The following ATP10B variants were observed in gnomAD, a reference collection of about 807,000 sequenced individuals.
The protein encoded by ATP10B is ATPase phospholipid transporting 10B (putative).
ATP10B carries 122 observed loss-of-function variants against 141.2 expected under a neutral mutation model. The ratio of observed to expected loss-of-function variants is 0.86; its 90% CI spans 0.75 to 1.00. The LOEUF is 1.00. ATP10B is among the 50% of genes least tolerant of loss of function. ATP10B has a pLI of 0.00. For missense variants in ATP10B, 1,876 were observed against 1,825.3 expected, an observed-to-expected ratio of 1.03 and a Z score of -0.51; for synonymous variants, 685 against 692.0, an observed-to-expected ratio of 0.99 and a Z score of 0.16.
intron 1 of ATP10B, among the ~76,000 whole-genome samples, chr5:160,849,266 T>C (rs1753645790): frequency 6.6e-6 from 1 of 152,212 alleles, no homozygotes; most frequent in Admixed American, 6.6e-5. Flanking sequence ...TGTATTCTTG[T>C]GTTCCTGTGT....
At chr5:160,893,613 G>A in the ATP10B span, among the ~76,000 whole-genome samples, 14,908 of 152,242 alleles carry the variant, frequency 0.098, 836 homozygotes, top group Non-Finnish European at 0.12. Flanking sequence ...AGCTGCAGGT[G>A]CAGCTTCAGA....
the ATP10B span, among the ~76,000 whole-genome samples, chr5:160,924,863 A>G: frequency 5.9e-5 from 9 of 152,260 alleles, no homozygotes; most frequent in Admixed American, 5.9e-4. Flanking sequence ...CTTGGGGAAC[A>G]GTAGCTCCAC....
intron 16 of ATP10B, 53 bp from the exon 17 acceptor site, chr5:160,616,017 T>C (rs112351532): frequency 1.3e-6 from 2 of 1,566,870 alleles, no homozygotes; most frequent in Non-Finnish European, 1.7e-6. Context: ...AACAAGATAA[T>C]TTCCTCTCTC....
intron 3 of ATP10B, among the ~76,000 whole-genome samples, chr5:160,703,848 A>C (rs1341684030): frequency 6.6e-6 from 1 of 152,220 alleles, no homozygotes; most frequent in Non-Finnish European, 1.5e-5. Flanking sequence ...ATAAGACTTG[A>C]AAGTTGAGAT....
At chr5:160,927,011 TCAAAA>T in the ATP10B span, among the ~76,000 whole-genome samples, 2 of 152,222 alleles carry the variant, frequency 1.3e-5, no homozygotes, top group African/African-American at 4.8e-5. Flanking sequence ...CCTGTGCATC[TCAAAA>T]CAACCTCACA....
chr5:160,802,372 A>G (rs537814288), intron 1 of ATP10B, among the ~76,000 whole-genome samples: 1 of 152,316 alleles, frequency 6.6e-6, no homozygotes, highest in Non-Finnish European at 1.5e-5. Flanking sequence ...TTTCAAGCCA[A>G]CCTATATCAG....
chr5:160,814,094 A>G (rs533624574), intron 1 of ATP10B, among the ~76,000 whole-genome samples: 2 of 152,342 alleles, frequency 1.3e-5, no homozygotes, highest in Admixed American at 1.3e-4. Flanking sequence ...CTTCGAAGGA[A>G]CGCAGCTCTT....
At chr5:160,666,400 T>C (rs1762319254) in intron 7 of ATP10B, among the ~76,000 whole-genome samples, 2 of 152,206 alleles carry the variant, frequency 1.3e-5, no homozygotes, top group South Asian at 4.1e-4. Flanking sequence ...AATCCCTTAG[T>C]GGTAGCCCAC....
chr5:160,636,408 C>A (rs1759374967), intron 10 of ATP10B, 99 bp from the exon 11 acceptor site: 3 of 1,275,798 alleles, frequency 2.4e-6, no homozygotes, highest in South Asian at 1.5e-5. Flanking sequence ...AATGGGTGTG[C>A]TTTGGAGGAC....
intron 12 of ATP10B, 126 bp downstream of exon 12, chr5:160,634,228 G>T (rs766851067): frequency 7.5e-7 from 1 of 1,338,822 alleles, no homozygotes; most frequent in Non-Finnish European, 1.1e-6. Context: ...GATACAGGAA[G>T]CAACTTGTGG....
chr5:160,847,265 A>G (rs953104943), intron 1 of ATP10B, among the ~76,000 whole-genome samples: 6 of 152,190 alleles, frequency 3.9e-5, no homozygotes, highest in African/African-American at 7.2e-5. Context: ...CTGGGATTCT[A>G]TAATAGTCAG....
At chr5:160,825,322 G>T (rs1774504406) in intron 1 of ATP10B, among the ~76,000 whole-genome samples, 1 of 152,198 alleles carries the variant, frequency 6.6e-6, no homozygotes, top group Non-Finnish European at 1.5e-5. Context: ...TCCAGTGGGA[G>T]ATAATTTAAT....
In ATP10B at chr5:160,687,893, T is replaced by C. The variant is rs1763859726; in HGVS notation, c.182A>G (p.Glu61Gly). The C allele has an allele frequency of 1.5e-5, 25 of 1,614,176 alleles. No individual in the cohort carries two copies. In the East Asian group the frequency reaches 5.6e-4, roughly 36 times the overall value. Reference protein sequence around the residue: ...NNSIFHQDWEEVSRRYPGNRT... With the variant: ...NNSIFHQDWEGVSRRYPGNRT... ...GTTGCCAGGGTATCTCCTGGAGACC[T>C]CTTCCCAATCTTGATGGAATATGCT... The change falls in exon 5 of 26, where the codon GAG becomes GGG. Residue 61 changes from glutamate (E) to glycine (G), a missense_variant. Glu to Gly is a moderately conservative substitution (Grantham distance 98). Coordinates refer to ENST00000327245, the MANE Select transcript of ATP10B (RefSeq NM_025153.3).
At chr5:160,772,312 A>G (rs1445909010) in intron 2 of ATP10B, among the ~76,000 whole-genome samples, 1 of 152,188 alleles carries the variant, frequency 6.6e-6, no homozygotes, top group Non-Finnish European at 1.5e-5. Flanking sequence ...TGCAAAGTGT[A>G]TCATCCCTTG....
intron 2 of ATP10B, among the ~76,000 whole-genome samples, chr5:160,720,545 C>T (rs932710970): frequency 6.6e-6 from 1 of 152,238 alleles, no homozygotes; most frequent in African/African-American, 2.4e-5. Flanking sequence ...AAAGCTTCTT[C>T]AATCAGGCGT....
chr5:160,793,808 A>C (rs1771759248), intron 1 of ATP10B, among the ~76,000 whole-genome samples: 1 of 152,208 alleles, frequency 6.6e-6, no homozygotes, highest in African/African-American at 2.4e-5. Flanking sequence ...TACCATTAAA[A>C]ATGTTTTTTC....
At chr5:160,928,141 G>T in the ATP10B span, among the ~76,000 whole-genome samples, 1 of 152,088 alleles carries the variant, frequency 6.6e-6, no homozygotes, top group Non-Finnish European at 1.5e-5. Context: ...AGACTGGCTC[G>T]GTGTCCAGCT....
the ATP10B span, among the ~76,000 whole-genome samples, chr5:160,867,257 A>C: frequency 1.3e-5 from 2 of 152,006 alleles, no homozygotes; most frequent in Non-Finnish European, 2.9e-5. Context: ...GGTGGCTATT[A>C]CCACTCAATA....
At chr5:160,595,152 C>T (rs1756588207) in intron 22 of ATP10B, among the ~76,000 whole-genome samples, 1 of 152,150 alleles carries the variant, frequency 6.6e-6, no homozygotes, top group South Asian at 2.1e-4. Context: ...TAAAGCACTC[C>T]TCAGCAAATG....
Sources: allele counts gnomAD v4.1 joint callset (sites outside exome capture counted in the v4.1 genomes callset), GRCh38; gene constraint gnomAD v4.1.1; transcripts MANE v1.5; gene names NCBI Gene and HGNC (gene_info 2026-07-23, HGNC 2026-07-21).